PHF24: variants seen among roughly 807,000 people sequenced by gnomAD.
PHF24 encodes the protein PHD finger protein 24, also known as Galpha inhibitory interacting protein.
Under a neutral mutation model 42.6 loss-of-function variants are expected in PHF24, and 25 were observed. That is an observed-to-expected ratio of 0.59 (90% CI 0.43 to 0.82). The LOEUF is 0.82. PHF24 is among the 40% of genes least tolerant of loss of function. The pLI, the probability that PHF24 is intolerant of heterozygous loss-of-function variation, is 0.00. For synonymous variants in PHF24, 185 were observed against 204.8 expected, an observed-to-expected ratio of 0.90 and a Z score of 0.83; for missense variants, 470 against 538.1, an observed-to-expected ratio of 0.87 and a Z score of 1.25.
the PHF24 span, among the ~76,000 whole-genome samples, chr9:34,720,372 G>A: frequency 1.3e-5 from 2 of 150,626 alleles, no homozygotes; most frequent in Admixed American, 1.3e-4. Context: ...GTGAACCCGG[G>A]AAGCGGAGCT....
the PHF24 span, among the ~76,000 whole-genome samples, chr9:34,769,580 A>G: frequency 1.3e-5 from 2 of 152,204 alleles, no homozygotes; most frequent in Non-Finnish European, 2.9e-5. Context: ...TTCTAAATTT[A>G]TGGTTGAAGG....
the PHF24 span, among the ~76,000 whole-genome samples, chr9:34,714,380 G>C: frequency 6.6e-6 from 1 of 152,198 alleles, no homozygotes; most frequent in Admixed American, 6.5e-5. Context: ...CAGACAGATA[G>C]AATAGCATGG....
chr9:34,914,486 G>A, the PHF24 span, among the ~76,000 whole-genome samples: 4 of 151,728 alleles, frequency 2.6e-5, no homozygotes, highest in African/African-American at 9.7e-5. Flanking sequence ...TTCGTCCTTT[G>A]GTCTCTATAT....
the PHF24 span, among the ~76,000 whole-genome samples, chr9:34,683,801 G>A: frequency 6.6e-6 from 1 of 152,200 alleles, no homozygotes; most frequent in Non-Finnish European, 1.5e-5. Context: ...TTCGTCCTGT[G>A]GACTTTTTTT....
chr9:34,886,836 A>G, the PHF24 span, among the ~76,000 whole-genome samples: 1 of 151,148 alleles, frequency 6.6e-6, no homozygotes, highest in African/African-American at 2.4e-5. Flanking sequence ...GTATCTATGT[A>G]TCTATCTATC....
At chr9:34,976,120 T>C (rs374862537) in intron 3 of PHF24, 32 bp from the exon 4 acceptor site, 338 of 1,538,710 alleles carry the variant, frequency 2.2e-4, no homozygotes, top group Non-Finnish European at 2.8e-4. Context: ...CTGGCCTGTA[T>C]GGCCACCGAC....
chr9:34,826,506 T>C, the PHF24 span, among the ~76,000 whole-genome samples: 1 of 152,218 alleles, frequency 6.6e-6, no homozygotes, highest in Admixed American at 6.5e-5. Context: ...AGTCTATTCC[T>C]GTGTTCATCC....
the PHF24 span, chr9:34,709,392 G>A: frequency 6.2e-7 from 1 of 1,607,160 alleles, no homozygotes; most frequent in South Asian, 1.1e-5. Context: ...CTGCTCACTG[G>A]GCTATGGCCC....
At chr9:34,861,486 T>C in the PHF24 span, among the ~76,000 whole-genome samples, 1 of 152,188 alleles carries the variant, frequency 6.6e-6, no homozygotes, top group African/African-American at 2.4e-5. Flanking sequence ...AAGATTATCA[T>C]AGAACTTCTT....
chr9:34,821,176 A>G, the PHF24 span, among the ~76,000 whole-genome samples: 2 of 152,232 alleles, frequency 1.3e-5, no homozygotes, highest in Non-Finnish European at 2.9e-5. Flanking sequence ...ATTTAAGGTA[A>G]TTAATGATAT....
the PHF24 span, among the ~76,000 whole-genome samples, chr9:34,786,434 G>A: frequency 3.9e-5 from 6 of 151,994 alleles, no homozygotes; most frequent in Admixed American, 3.3e-4. Flanking sequence ...AGGACACTGG[G>A]GCCCTTTAGT....
the PHF24 span, among the ~76,000 whole-genome samples, chr9:34,872,317 T>C: frequency 6.7e-6 from 1 of 150,006 alleles, no homozygotes; most frequent in Non-Finnish European, 1.5e-5. Context: ...TAACTCTTCA[T>C]CTAGCATTAG....
chr9:34,751,054 C>A, the PHF24 span, among the ~76,000 whole-genome samples: 1 of 152,038 alleles, frequency 6.6e-6, no homozygotes, highest in African/African-American at 2.4e-5. Flanking sequence ...ATACTCCATG[C>A]AAATGGAAAC....
chr9:34,841,367 C>T, the PHF24 span, among the ~76,000 whole-genome samples: 22 of 152,182 alleles, frequency 1.4e-4, no homozygotes, highest in Non-Finnish European at 2.5e-4. Context: ...CAGTTGTTTC[C>T]ACCTTTTTGC....
At chr9:34,943,104 G>A in the PHF24 span, among the ~76,000 whole-genome samples, 1 of 152,200 alleles carries the variant, frequency 6.6e-6, no homozygotes, top group Non-Finnish European at 1.5e-5. Context: ...ATCTGGCACA[G>A]TAGCTGTGAT....
the PHF24 span, chr9:34,689,716 G>A: frequency 7.3e-7 from 1 of 1,368,120 alleles, no homozygotes; most frequent in Admixed American, 1.7e-5. This position sits in a 1 kb window ranked among gnomAD's most constrained non-coding sequence, Gnocchi z 4.1. Context: ...TGGTGCAGAG[G>A]AGCTGGAAGC....
the PHF24 span, among the ~76,000 whole-genome samples, chr9:34,705,908 TA>T: frequency 2.0e-5 from 3 of 151,996 alleles, no homozygotes; most frequent in East Asian, 1.9e-4. Context: ...CATTTTATTT[TA>T]AAAAAAAGTT....
At chr9:34,694,801 G>T in the PHF24 span, among the ~76,000 whole-genome samples, 1 of 152,120 alleles carries the variant, frequency 6.6e-6, no homozygotes, top group African/African-American at 2.4e-5. Context: ...TATGATAATG[G>T]TTTCTCACCA....
the PHF24 span, chr9:34,710,211 C>T: frequency 1.5e-6 from 1 of 681,206 alleles, no homozygotes; most frequent in African/African-American, 1.8e-5. Flanking sequence ...CACTCCTTTT[C>T]CTTCCTGAAA....
Sources: gnomAD v4.1 joint callset for allele counts (sites outside exome capture counted in the v4.1 genomes callset) on GRCh38, gnomAD v4.1.1 for gene constraint, Gnocchi (gnomAD v3.1) non-coding constraint, MANE v1.5 for transcripts, NCBI Gene and HGNC (gene_info 2026-07-23, HGNC 2026-07-21) for gene names.